CDH11: variants seen among roughly 807,000 people sequenced by gnomAD.
The protein encoded by CDH11 is cadherin 11.
In CDH11, 11 loss-of-function variants were observed where a neutral mutation model predicts 67.8. The observed-to-expected ratio is 0.16, with a 90% confidence interval of 0.10 to 0.27. CDH11 has a LOEUF of 0.27. Ranked by LOEUF, CDH11 falls within the 10% of genes least tolerant of loss-of-function variation. The probability of loss-of-function intolerance (pLI) is 1.00; values close to 1 mark genes in which losing one functional copy is unlikely to be tolerated. For synonymous variants in CDH11, 419 were observed against 400.0 expected (o/e 1.05, Z -0.57); for missense variants, 847 against 1,031.2 (o/e 0.82, Z 2.45).
At chr16:65,114,400 G>C (rs370945938) in intron 1 of CDH11, among the ~76,000 whole-genome samples, 1 of 152,280 alleles carries the variant, frequency 6.6e-6, no homozygotes, top group African/African-American at 2.4e-5. Flanking sequence ...TTTAGAGTCA[G>C]AGCAGGTTTG....
At chr16:65,039,843 T>G (rs2073830756) in intron 2 of CDH11, among the ~76,000 whole-genome samples, 1 of 152,054 alleles carries the variant, frequency 6.6e-6, no homozygotes, top group Non-Finnish European at 1.5e-5. Flanking sequence ...GAATCTACAA[T>G]GAACTCAGAC....
intron 6 of CDH11, among the ~76,000 whole-genome samples, chr16:64,988,937 AG>A (rs1380998945): frequency 6.6e-6 from 1 of 152,126 alleles, no homozygotes; most frequent in African/African-American, 2.4e-5. Flanking sequence ...GCTTTCCTGC[AG>A]TGTGACCCTC....
At chr16:64,962,511 G>T (rs953000010) in intron 11 of CDH11, among the ~76,000 whole-genome samples, 1 of 152,056 alleles carries the variant, frequency 6.6e-6, no homozygotes, top group South Asian at 2.1e-4. Context: ...AATTGATGGA[G>T]GCCCAGTGTG....
chr16:64,958,797 A>G (rs1256386072), intron 11 of CDH11, among the ~76,000 whole-genome samples: 1 of 152,150 alleles, frequency 6.6e-6, no homozygotes, highest in African/African-American at 2.4e-5. Context: ...CAGTTTCTAG[A>G]CTCAGTTTCT....
chr16:64,979,425 C>T (rs993409264), intron 8 of CDH11, among the ~76,000 whole-genome samples: 6 of 151,744 alleles, frequency 4.0e-5, no homozygotes, highest in South Asian at 2.1e-4. Flanking sequence ...CCAGCCTGGG[C>T]GACAGAGTGA....
intron 1 of CDH11, among the ~76,000 whole-genome samples, chr16:65,110,450 G>A (rs968430541): frequency 3.9e-5 from 6 of 152,248 alleles, no homozygotes; most frequent in South Asian, 2.1e-4. Flanking sequence ...GGAAGGCTGG[G>A]CAGTTAGAAG....
chr16:65,066,491 A>G (rs574908186), intron 1 of CDH11, among the ~76,000 whole-genome samples: 1 of 152,350 alleles, frequency 6.6e-6, no homozygotes, highest in South Asian at 2.1e-4. Flanking sequence ...TAAAAAGTAA[A>G]CAGAAAAATT....
chr16:64,961,945 G>C (rs935445797), intron 11 of CDH11, among the ~76,000 whole-genome samples: 4 of 152,092 alleles, frequency 2.6e-5, no homozygotes, highest in Non-Finnish European at 5.9e-5. Context: ...CTAATACCCA[G>C]TATGATGTTT....
chr16:65,004,523 C>G (rs905003245), intron 3 of CDH11, 119 bp downstream of exon 3: 1 of 1,027,916 alleles, frequency 9.7e-7, no homozygotes, highest in African/African-American at 1.6e-5. Flanking sequence ...TTTACTGGCT[C>G]TTCAAGCCAT....
At chr16:65,077,769 TATAAA>T (rs2074539337) in intron 1 of CDH11, among the ~76,000 whole-genome samples, 1 of 152,236 alleles carries the variant, frequency 6.6e-6, no homozygotes, top group South Asian at 2.1e-4. Flanking sequence ...TGGTGGAACA[TATAAA>T]ACAAATTAAA....
At chr16:65,096,498 T>C (rs1372439054) in intron 1 of CDH11, among the ~76,000 whole-genome samples, 1 of 150,876 alleles carries the variant, frequency 6.6e-6, no homozygotes, top group East Asian at 1.9e-4. Context: ...TATATGTTTA[T>C]ATATGTGTAT....
At chr16:65,115,474 A>G (rs1449154742) in intron 1 of CDH11, among the ~76,000 whole-genome samples, 1 of 152,152 alleles carries the variant, frequency 6.6e-6, no homozygotes, top group African/African-American at 2.4e-5. Flanking sequence ...TCCCAAGTCT[A>G]TTTCAGACAG....
intron 7 of CDH11, among the ~76,000 whole-genome samples, chr16:64,983,796 T>C (rs1020073705): frequency 7.9e-5 from 12 of 152,224 alleles, no homozygotes; most frequent in African/African-American, 2.9e-4. Flanking sequence ...ACAAGATTGC[T>C]GCAACTTCTA....
At chr16:64,995,871 A>C (rs1249096775) in intron 4 of CDH11, among the ~76,000 whole-genome samples, 1 of 152,224 alleles carries the variant, frequency 6.6e-6, no homozygotes, top group Non-Finnish European at 1.5e-5. Flanking sequence ...AGTATCCAGA[A>C]TCTATAAGGA....
intron 1 of CDH11, among the ~76,000 whole-genome samples, chr16:65,064,559 C>G (rs1210451842): frequency 6.6e-6 from 1 of 152,168 alleles, no homozygotes; most frequent in East Asian, 1.9e-4. Context: ...GGAGACATAC[C>G]TTTTCAATTC....
Position 65,060,333 on chromosome 16 carries a change from A to G in CDH11, c.-297-6405T>C, listed in dbSNP as rs546816688. Among the ~76,000 whole-genome samples the G allele has an allele frequency of 4.1e-5, 4 of 98,714 alleles. No homozygotes were observed. In the East Asian group the frequency reaches 9.1e-4, roughly 22 times the overall value. The allele number at this position is 98,714 out of a possible 152,430, so 64.8% of individuals were successfully genotyped here. The stretch of plus-strand genomic sequence containing the variant: ...AATATCTAAGCACACCCACTATAAA[A>G]TTTGCATATATATATATATATAGAG... On this transcript the variant is annotated intron_variant, in intron 1 of 12. Transcript: ENST00000268603.
At chr16:65,120,773 G>A (rs1187086085) in intron 1 of CDH11, among the ~76,000 whole-genome samples, 3 of 152,156 alleles carry the variant, frequency 2.0e-5, no homozygotes, top group Non-Finnish European at 4.4e-5. Context: ...CAGGCGCGGC[G>A]AGCCCCGGGC....
At chr16:65,108,873 A>G (rs4048780) in intron 1 of CDH11, among the ~76,000 whole-genome samples, 95,724 of 151,930 alleles carry the variant, frequency 0.63, 30,586 homozygotes, top group East Asian at 0.73. Flanking sequence ...TGAGCTGGGC[A>G]CAGTGGCTCA....
chr16:65,001,250 A>G (rs2142518548), intron 3 of CDH11, among the ~76,000 whole-genome samples: 1 of 152,362 alleles, frequency 6.6e-6, no homozygotes, highest in South Asian at 2.1e-4. Flanking sequence ...TTTGTTATTC[A>G]TAACAATGTG....
Sources: allele counts gnomAD v4.1 joint callset (sites outside exome capture counted in the v4.1 genomes callset), GRCh38; gene constraint gnomAD v4.1.1; transcripts MANE v1.5; gene names NCBI Gene and HGNC (gene_info 2026-07-23, HGNC 2026-07-21).